Variants in VLDLR observed in about 807,000 individuals in gnomAD.
The protein encoded by VLDLR is very low-density lipoprotein receptor.
In VLDLR, 81 loss-of-function variants were observed where a neutral mutation model predicts 112.7. The observed-to-expected ratio is 0.72, with a 90% CI of 0.60 to 0.86. VLDLR has a LOEUF of 0.86. VLDLR is among the 40% of genes least tolerant of loss of function. VLDLR has a pLI of 0.00. For synonymous variants in VLDLR, 436 were observed against 384.8 expected, an observed-to-expected ratio of 1.13 and a Z score of -1.56; for missense variants, 1,237 against 1,099.4, an observed-to-expected ratio of 1.13 and a Z score of -1.77.
In VLDLR at chr9:2,652,787, A is replaced by C; in HGVS notation, c.2424A>C (p.Leu808Phe). 6.2e-7 allele frequency: 1 copy of C among 1,614,030 alleles called. No homozygotes were observed. The highest frequency in any genetic ancestry group is 8.5e-7 in the Non-Finnish European group (1 of 1,179,972). ...CCCTCTGATTTTTTTCAGTGCTCTT[A>C]GTGATGGCAGCAGTAGGTGGCTACT... ...AAWAILPLLL[L>F]VMAAVGGYLM... Residue 808 changes from leucine (L) to phenylalanine (F), a missense_variant, in exon 18 of 19, where the codon TTA becomes TTC. Coordinates refer to ENST00000382100, the MANE Select transcript of VLDLR (RefSeq NM_003383.5).
chr9:2,637,175 A>T (rs746379343), intron 2 of VLDLR, among the ~76,000 whole-genome samples: 17 of 152,208 alleles, frequency 1.1e-4, no homozygotes, highest in Non-Finnish European at 2.4e-4. Context: ...GGAAGGTCTG[A>T]GTGCTTACTT....
At position 2,659,446 on chromosome 9, in the gene VLDLR, C is replaced by T. The variant is rs777599091; in HGVS notation, c.*5578C>T. 26 of 152,208 alleles carry T rather than the reference C, an allele frequency of 1.7e-4. No individual in the cohort carries two copies. Among genetic ancestry groups the T allele is most frequent in the Admixed American group, 5.9e-4 (9 of 15,270 alleles). 9.4% of individuals were successfully genotyped at this position (152,208 alleles called of 1,614,324 possible). ...AGGTCAGCACAGATTAACTCAGTTA[C>T]GTGTTATACCTTCAAGACGCTAGAC... On this transcript the variant is annotated 3_prime_UTR_variant, in exon 19 of 19. Coordinates refer to ENST00000382100, the MANE Select transcript of VLDLR (RefSeq NM_003383.5).
chr9:2,631,388 G>T (rs545871027), intron 1 of VLDLR, among the ~76,000 whole-genome samples: 1 of 152,116 alleles, frequency 6.6e-6, no homozygotes, highest in Non-Finnish European at 1.5e-5. Context: ...ACTATTCACA[G>T]TAACAAAGAT....
intron 1 of VLDLR, among the ~76,000 whole-genome samples, chr9:2,632,860 GGAAACGAA>G (rs1436671429): frequency 6.6e-6 from 1 of 152,102 alleles, no homozygotes; most frequent in African/African-American, 2.4e-5. Context: ...TAGGAAACTA[GGAAACGAA>G]GAGGCATAGC....
chr9:2,637,152 A>G (rs933524043), intron 2 of VLDLR, among the ~76,000 whole-genome samples: 3 of 152,224 alleles, frequency 2.0e-5, no homozygotes, highest in African/African-American at 7.2e-5. Flanking sequence ...GAAAGTAGAA[A>G]TATTACAATC....
Position 2,648,335 on chromosome 9 carries a change from A to G in VLDLR, c.1950A>G (p.Leu650=). The G allele has an allele frequency of 1.2e-6, 2 of 1,614,174 alleles. No homozygotes were observed. Among genetic ancestry groups the G allele is most frequent in the Non-Finnish European group, 1.7e-6 (2 of 1,180,012 alleles). ...SLEFLAHPLA[L]TIFEDRVYWI... Reference sequence around the variant, plus strand: ...AGTTCCTAGCTCATCCTCTTGCACTAACAATATTTGAGGTAAGATGTGTCT... The same window carrying G: ...AGTTCCTAGCTCATCCTCTTGCACTGACAATATTTGAGGTAAGATGTGTCT... The change falls in exon 13 of 19, where the codon CTA becomes CTG. Residue 650 remains leucine (L), a synonymous_variant. Transcript: ENST00000382100.
intron 3 of VLDLR, among the ~76,000 whole-genome samples, chr9:2,641,168 G>C (rs529534662): frequency 6.6e-6 from 1 of 152,310 alleles, no homozygotes; most frequent in African/African-American, 2.4e-5. Flanking sequence ...GGTCAAAGCT[G>C]TCACGTACAC....
intron 14 of VLDLR, 105 bp downstream of exon 14, chr9:2,648,915 G>C: frequency 6.8e-7 from 1 of 1,470,258 alleles, no homozygotes; most frequent in South Asian, 1.2e-5. Flanking sequence ...TTCTTTAAAA[G>C]GGAACTTTTG....
Position 2,647,564 on chromosome 9 carries a change from T to C in VLDLR, c.1794T>C (p.Asp598=). The stretch of plus-strand genomic sequence containing the variant: ...ATAGACGTCCACTGGTGACAGCGGA[T>C]ATCCAGTGGCCTAACGGAATTACAC... ...GFDRRPLVTA[D]IQWPNGITLD... is the part of the protein sequence containing the mutation. Residue 598 remains aspartate (D), a synonymous_variant, in exon 12 of 19, where the codon GAT becomes GAC. Coordinates refer to ENST00000382100, the MANE Select transcript of VLDLR (RefSeq NM_003383.5). The C allele has an allele frequency of 6.2e-7, 1 of 1,614,160 alleles. No individual in the cohort carries two copies. Among genetic ancestry groups the C allele is most frequent in the Non-Finnish European group, 8.5e-7 (1 of 1,179,978 alleles).
At chr9:2,641,292 G>C (rs1025598638) in intron 3 of VLDLR, 85 bp from the exon 4 acceptor site, 2 of 1,603,138 alleles carry the variant, frequency 1.2e-6, no homozygotes, top group Non-Finnish European at 1.7e-6. Flanking sequence ...TGAGTCACAG[G>C]TATTAGCGCT....
At position 2,646,362 on chromosome 9, in the gene VLDLR, C is replaced by T. The variant is rs756052114; in HGVS notation, c.1513C>T (p.His505Tyr). 1 of 1,614,138 alleles carries T rather than the reference C, an allele frequency of 6.2e-7. No individual in the cohort carries two copies. The highest frequency in any genetic ancestry group is 8.5e-7 in the Non-Finnish European group (1 of 1,180,004). ...CTCAATTGATGACAAGGTTGGTAGA[C>T]ATGTTAAAATGATCGACAATGTCTA... ...SASIDDKVGRHVKMIDNVYNP... is the reference protein window; with the variant it reads ...SASIDDKVGRYVKMIDNVYNP... Residue 505 changes from histidine (H) to tyrosine (Y), a missense_variant, in exon 11 of 19, where the codon CAT (histidine) becomes TAT (tyrosine). Coordinates refer to ENST00000382100, the MANE Select transcript of VLDLR (RefSeq NM_003383.5).
chr9:2,654,178 G>T lies in VLDLR; in HGVS notation c.*310G>T. 1 of 411,338 alleles carries T rather than the reference G, an allele frequency of 2.4e-6. No homozygotes were observed. Among genetic ancestry groups the T allele is most frequent in the South Asian group, 2.2e-5 (1 of 46,290 alleles). The allele number at this position is 411,338 out of a possible 1,614,324, so 25.5% of individuals were successfully genotyped here. On this transcript the variant is annotated 3_prime_UTR_variant, in exon 19 of 19. Transcript: ENST00000382100. ...GCCATATTCCAGCAGTGAAACTTGT[G>T]CTATAGTGTATACCACCTGTACATA...
chr9:2,648,925 G>T (rs1818191478), intron 14 of VLDLR, 115 bp downstream of exon 14: 1 of 1,324,636 alleles, frequency 7.5e-7, no homozygotes, highest in Non-Finnish European at 1.1e-6. Flanking sequence ...GGGAACTTTT[G>T]CCCTCCTGTA....
chr9:2,646,688 A>T, intron 11 of VLDLR, 136 bp downstream of exon 11: 1 of 957,444 alleles, frequency 1.0e-6, no homozygotes, highest in South Asian at 1.4e-5. Flanking sequence ...CTAATTTAAG[A>T]TATCAGTTTT....
At chr9:2,626,783 C>T (rs887918024) in intron 1 of VLDLR, among the ~76,000 whole-genome samples, 4 of 143,984 alleles carry the variant, frequency 2.8e-5, no homozygotes, top group East Asian at 4.1e-4. Flanking sequence ...AAAGCCTCGG[C>T]GATAGACAGC....
intron 1 of VLDLR, among the ~76,000 whole-genome samples, chr9:2,628,592 G>C (rs1348986768): frequency 1.3e-5 from 2 of 152,222 alleles, no homozygotes; most frequent in Non-Finnish European, 2.9e-5. Context: ...GATATGGGTA[G>C]AGAATGTGGC....
At chr9:2,638,971 T>C (rs925594243) in intron 2 of VLDLR, among the ~76,000 whole-genome samples, 2 of 152,222 alleles carry the variant, frequency 1.3e-5, no homozygotes, top group Non-Finnish European at 2.9e-5. Context: ...CTCCCCTTTC[T>C]ACCTGATGAG....
intron 2 of VLDLR, among the ~76,000 whole-genome samples, chr9:2,636,863 A>G (rs549596525): frequency 2.0e-5 from 3 of 152,268 alleles, no homozygotes; most frequent in Non-Finnish European, 4.4e-5. Flanking sequence ...CTTCTAAACG[A>G]TATATTTGGC....
At position 2,648,702 on chromosome 9, in the gene VLDLR, G is replaced by A; in HGVS notation, c.1996G>A (p.Ala666Thr). The stretch of plus-strand genomic sequence containing the variant: ...CTACTGGATAGATGGGGAAAATGAA[G>A]CAGTCTATGGTGCCAATAAATTCAC... ...RVYWIDGENEAVYGANKFTGS... is the reference protein window; with the variant it reads ...RVYWIDGENETVYGANKFTGS... The change falls in exon 14 of 19, where the codon GCA becomes ACA. Residue 666 changes from alanine to threonine, a missense_variant. Coordinates refer to ENST00000382100, the MANE Select transcript of VLDLR (RefSeq NM_003383.5). 1 of 1,614,194 alleles carries A rather than the reference G, an allele frequency of 6.2e-7. No homozygotes were observed. Among genetic ancestry groups the A allele is most frequent in the Non-Finnish European group, 8.5e-7 (1 of 1,180,028 alleles).
Sources: allele counts gnomAD v4.1 joint callset (sites outside exome capture counted in the v4.1 genomes callset), GRCh38; gene constraint gnomAD v4.1.1; transcripts MANE v1.5; gene names NCBI Gene and HGNC (gene_info 2026-07-23, HGNC 2026-07-21).